ANO3: variants seen among roughly 807,000 people sequenced by gnomAD.
ANO3 encodes the protein anoctamin 3, also known as anoctamin-3.
In ANO3, 99 loss-of-function variants were observed where a neutral mutation model predicts 144.8. The observed-to-expected ratio is 0.68, with a 90% confidence interval of 0.58 to 0.81. The LOEUF (loss-of-function observed/expected upper bound fraction) is 0.81, where lower values mean the gene tolerates loss of function less well. ANO3 is among the 30% of genes least tolerant of loss of function. ANO3 has a pLI of 0.00. For synonymous variants in ANO3, 414 were observed against 392.6 expected, an observed-to-expected ratio of 1.05 and a Z score of -0.64; for missense variants, 905 against 1,202.2, an observed-to-expected ratio of 0.75 and a Z score of 3.66.
At chr11:26,500,586 T>G (rs180833726) in intron 4 of ANO3, among the ~76,000 whole-genome samples, 1 of 152,170 alleles carries the variant, frequency 6.6e-6, no homozygotes, top group African/African-American at 2.4e-5. Context: ...TTGTTGGTCA[T>G]TTCTATATTT....
chr11:26,569,718 T>C (rs1590561147), intron 14 of ANO3, among the ~76,000 whole-genome samples: 1 of 152,250 alleles, frequency 6.6e-6, no homozygotes, highest in South Asian at 2.1e-4. Context: ...CCTTTTAGCC[T>C]CTCTCCATCT....
chr11:26,284,012 C>G (rs185283046), intron 1 of ANO3, among the ~76,000 whole-genome samples: 3 of 152,268 alleles, frequency 2.0e-5, no homozygotes, highest in East Asian at 3.9e-4. Context: ...TGTGGGGGAA[C>G]TGTGCTGGGG....
At chr11:26,267,565 C>T (rs1196905464) in intron 1 of ANO3, among the ~76,000 whole-genome samples, 1 of 152,142 alleles carries the variant, frequency 6.6e-6, no homozygotes, top group Non-Finnish European at 1.5e-5. Context: ...TTATCAGTGA[C>T]TTTAAAAATA....
chr11:26,537,598 C>T, intron 10 of ANO3, 137 bp downstream of exon 10: 1 of 752,562 alleles, frequency 1.3e-6, no homozygotes, highest in Non-Finnish European at 2.3e-6. Context: ...TTCTGTCTCC[C>T]CATTGTAATT....
At chr11:26,506,743 A>G (rs577454620) in intron 4 of ANO3, among the ~76,000 whole-genome samples, 20 of 152,338 alleles carry the variant, frequency 1.3e-4, no homozygotes, top group Admixed American at 1.3e-4. Flanking sequence ...ACAGCCAACT[A>G]GAAGCCCCTC....
At chr11:26,427,771 C>T (rs1474431780) in intron 1 of ANO3, among the ~76,000 whole-genome samples, 1 of 152,080 alleles carries the variant, frequency 6.6e-6, no homozygotes, top group East Asian at 1.9e-4. Context: ...AATTGACTCA[C>T]AGTTCAGCAT....
At chr11:26,363,948 A>T (rs1012855097) in intron 1 of ANO3, among the ~76,000 whole-genome samples, 1 of 152,196 alleles carries the variant, frequency 6.6e-6, no homozygotes, top group Admixed American at 6.5e-5. Flanking sequence ...TCAAGTGCCT[A>T]CTTGGTCCAT....
intron 1 of ANO3, among the ~76,000 whole-genome samples, chr11:26,389,521 A>G (rs1267624555): frequency 1.3e-5 from 2 of 152,086 alleles, no homozygotes; most frequent in African/African-American, 2.4e-5. Flanking sequence ...GTTTTAGTCA[A>G]TGTGATCTGC....
intron 1 of ANO3, among the ~76,000 whole-genome samples, chr11:26,234,135 T>C (rs1852464074): frequency 6.6e-6 from 1 of 152,208 alleles, no homozygotes; most frequent in African/African-American, 2.4e-5. Context: ...GTATAACGTT[T>C]GTTTTGGTCT....
At chr11:26,283,321 A>ATATATACATAT (rs1853722376) in intron 1 of ANO3, among the ~76,000 whole-genome samples, 1 of 49,136 alleles carries the variant, frequency 2.0e-5, no homozygotes, top group Admixed American at 3.4e-4. Flanking sequence ...CAAATAAATA[A>ATATATACATAT]ATATATATAT....
intron 24 of ANO3, among the ~76,000 whole-genome samples, chr11:26,655,054 G>T (rs1049530950): frequency 2.0e-5 from 3 of 152,008 alleles, no homozygotes; most frequent in Admixed American, 2.0e-4. Context: ...CCTCCTTCTT[G>T]CAGGAGGATT....
intron 1 of ANO3, among the ~76,000 whole-genome samples, chr11:26,424,995 G>A (rs571845010): frequency 5.2e-5 from 7 of 135,740 alleles, no homozygotes; most frequent in African/African-American, 1.9e-4. Flanking sequence ...CCATTAACTC[G>A]TCATTTACAT....
intron 12 of ANO3, among the ~76,000 whole-genome samples, chr11:26,548,176 A>T (rs12290853): frequency 0.024 from 1,832 of 76,386 alleles, 41 homozygotes; most frequent in African/African-American, 0.063. Context: ...CTTAGCATCC[A>T]CTTAAGATAT....
intron 4 of ANO3, among the ~76,000 whole-genome samples, chr11:26,507,236 A>G (rs2134135397): frequency 6.6e-6 from 1 of 152,318 alleles, no homozygotes; most frequent in East Asian, 1.9e-4. Context: ...AAATAAGAAT[A>G]CCACACGGAT....
chr11:26,631,889 C>T (rs929298011), intron 18 of ANO3, among the ~76,000 whole-genome samples: 1 of 151,906 alleles, frequency 6.6e-6, no homozygotes, highest in Non-Finnish European at 1.5e-5. Context: ...TAAATATATA[C>T]AGTATTTAGA....
intron 13 of ANO3, among the ~76,000 whole-genome samples, chr11:26,555,863 T>C (rs1159233073): frequency 2.0e-5 from 3 of 152,284 alleles, no homozygotes; most frequent in African/African-American, 4.8e-5. Context: ...CCAACCAATC[T>C]AGGATCATCT....
intron 1 of ANO3, among the ~76,000 whole-genome samples, chr11:26,384,924 C>G (rs1156947222): frequency 1.5e-4 from 23 of 152,136 alleles, no homozygotes; most frequent in Admixed American, 1.4e-3. Flanking sequence ...TCTACCTTGT[C>G]TAAGAATTTG....
intron 1 of ANO3, among the ~76,000 whole-genome samples, chr11:26,218,850 T>A (rs756585187): frequency 6.6e-6 from 1 of 152,204 alleles, no homozygotes; most frequent in Admixed American, 6.5e-5. Context: ...AGAGAGATAG[T>A]GTCCTGCAAA....
At chr11:26,477,111 C>T (rs1860013583) in intron 4 of ANO3, among the ~76,000 whole-genome samples, 1 of 152,006 alleles carries the variant, frequency 6.6e-6, no homozygotes, top group Non-Finnish European at 1.5e-5. Context: ...TTCATTTGCA[C>T]ATTTGTGTGT....
Sources: allele counts gnomAD v4.1 joint callset (sites outside exome capture counted in the v4.1 genomes callset), GRCh38; gene constraint gnomAD v4.1.1; transcripts MANE v1.5; gene names NCBI Gene and HGNC (gene_info 2026-07-23, HGNC 2026-07-21).